DIP2B: variants seen among roughly 807,000 people sequenced by gnomAD.
DIP2B encodes disco-interacting protein 2 homolog B.
A neutral mutation model predicts 198.0 loss-of-function variants in DIP2B; 76 were observed. The ratio of observed to expected loss-of-function variants is 0.38; its 90% confidence interval spans 0.32 to 0.46. The LOEUF is 0.46. Among genes scored for constraint, DIP2B ranks in the 20% least tolerant of loss-of-function variants. The pLI is 0.99. For synonymous variants in DIP2B, 701 were observed against 739.1 expected, an observed-to-expected ratio of 0.95 and a Z score of 0.84; for missense variants, 1,559 against 1,978.4, an observed-to-expected ratio of 0.79 and a Z score of 4.02.
chr12:50,698,380 G>A lies in DIP2B; in HGVS notation c.2101G>A (p.Gly701Arg). The change falls in exon 18 of 38, where the codon GGA (glycine) becomes AGA (arginine). Residue 701 changes from glycine to arginine, a missense_variant. Physicochemically the swap from Gly to Arg is moderately radical, Grantham distance 125 (BLOSUM62 -2). Coordinates refer to ENST00000301180, the MANE Select transcript of DIP2B (RefSeq NM_173602.3). ...AGGAAGAGCCATTCTCTCAATGAAT[G>A]GATTGAGCTATGGGGTAATACGGGT... is the stretch of plus-strand genomic sequence containing the variant. ...LPGRAILSMN[G>R]LSYGVIRVNT... 6.2e-7 allele frequency: 1 copy of A among 1,613,980 alleles called. No individual in the cohort carries two copies. Among genetic ancestry groups the A allele is most frequent in the Non-Finnish European group, 8.5e-7 (1 of 1,179,928 alleles).
chr12:50,574,200 A>G (rs1408732339), intron 1 of DIP2B, among the ~76,000 whole-genome samples: 2 of 152,250 alleles, frequency 1.3e-5, no homozygotes, highest in East Asian at 3.8e-4. Flanking sequence ...TTATCTTATT[A>G]AGATTACAAT....
At chr12:50,706,468 A>G (rs1453611318) in intron 20 of DIP2B, 70 bp from the exon 21 acceptor site, 3 of 1,538,400 alleles carry the variant, frequency 2.0e-6, no homozygotes, top group Admixed American at 1.8e-5. Context: ...ATTTAAAGGC[A>G]GGAAGTTAAA....
intron 13 of DIP2B, 61 bp downstream of exon 13, chr12:50,691,212 C>T: frequency 2.1e-6 from 3 of 1,416,284 alleles, no homozygotes; most frequent in Non-Finnish European, 3.0e-6. Flanking sequence ...ACTGTGAGCA[C>T]AATGCTCAGT....
At chr12:50,696,789 A>T (rs555030225) in intron 16 of DIP2B, among the ~76,000 whole-genome samples, 1 of 152,292 alleles carries the variant, frequency 6.6e-6, no homozygotes, top group Non-Finnish European at 1.5e-5. Context: ...GTTATCTCTG[A>T]TACTGATTTG....
At chr12:50,686,968 C>T (rs951004829) in intron 12 of DIP2B, 4 of 253,584 alleles carry the variant, frequency 1.6e-5, no homozygotes, top group South Asian at 1.0e-4. Flanking sequence ...AAATGATGTA[C>T]TGGCAGAGAA....
chr12:50,651,273 G>C (rs1164862692), intron 3 of DIP2B, among the ~76,000 whole-genome samples: 2 of 152,054 alleles, frequency 1.3e-5, no homozygotes, highest in African/African-American at 4.8e-5. Flanking sequence ...CTCCAATTTT[G>C]CAGGTTATCT....
intron 5 of DIP2B, among the ~76,000 whole-genome samples, chr12:50,673,090 A>G (rs1376820879): frequency 6.6e-6 from 1 of 152,186 alleles, no homozygotes; most frequent in Non-Finnish European, 1.5e-5. Context: ...GTATATTCCT[A>G]TAAGTTTGAA....
chr12:50,525,275 G>T (rs999554551), intron 1 of DIP2B, among the ~76,000 whole-genome samples: 1 of 151,240 alleles, frequency 6.6e-6, no homozygotes, highest in Non-Finnish European at 1.5e-5. Context: ...GGAGAATGGC[G>T]TGAACCCGGG....
intron 37 of DIP2B, among the ~76,000 whole-genome samples, chr12:50,742,192 A>T (rs1003986469): frequency 5.3e-5 from 8 of 151,772 alleles, no homozygotes; most frequent in African/African-American, 1.9e-4. Context: ...AAGCCCAGGA[A>T]TCCAAGACCA....
intron 1 of DIP2B, among the ~76,000 whole-genome samples, chr12:50,527,535 G>A (rs1958177573): frequency 6.6e-6 from 1 of 152,134 alleles, no homozygotes; most frequent in African/African-American, 2.4e-5. Flanking sequence ...CAGCACTTTG[G>A]GAGGCCGAGG....
chr12:50,696,978 G>GT, intron 16 of DIP2B, 83 bp from the exon 17 acceptor site: 1 of 1,020,992 alleles, frequency 9.8e-7, no homozygotes, highest in Non-Finnish European at 1.5e-6. Flanking sequence ...AAATAAGTAT[G>GT]TCAGCTTTCT....
At chr12:50,582,145 G>GTTTTTTTTTTT (rs367699036) in intron 1 of DIP2B, among the ~76,000 whole-genome samples, 3 of 77,544 alleles carry the variant, frequency 3.9e-5, no homozygotes, top group Admixed American at 1.5e-4. Flanking sequence ...CTTTTTTTCT[G>GTTTTTTTTTTT]TTTTTTTTTT....
At chr12:50,530,228 C>T (rs1054627444) in intron 1 of DIP2B, among the ~76,000 whole-genome samples, 1 of 152,178 alleles carries the variant, frequency 6.6e-6, no homozygotes, top group South Asian at 2.1e-4. Flanking sequence ...AGGCACCCGC[C>T]ATCACGCCTG....
chr12:50,681,897 GT>G (rs1183814667), intron 9 of DIP2B, among the ~76,000 whole-genome samples: 1 of 152,182 alleles, frequency 6.6e-6, no homozygotes, highest in Non-Finnish European at 1.5e-5. Context: ...GAAATGGGTT[GT>G]TTAAATGTCT....
At chr12:50,657,617 C>A (rs1938576737) in intron 3 of DIP2B, among the ~76,000 whole-genome samples, 1 of 151,496 alleles carries the variant, frequency 6.6e-6, no homozygotes, top group Non-Finnish European at 1.5e-5. Context: ...TGTAGTGACA[C>A]CCCATCTTTA....
At chr12:50,739,802 C>T (rs919606695) in intron 36 of DIP2B, among the ~76,000 whole-genome samples, 3 of 152,206 alleles carry the variant, frequency 2.0e-5, no homozygotes, top group African/African-American at 7.2e-5. Context: ...AGGAGCATCC[C>T]GAGCTGTGAG....
chr12:50,696,064 CT>C (rs1347379226), intron 16 of DIP2B, 97 bp downstream of exon 16: 1 of 1,534,876 alleles, frequency 6.5e-7, no homozygotes, highest in Non-Finnish European at 8.8e-7. Context: ...TACTGAAAAA[CT>C]CACTCATTTA....
intron 4 of DIP2B, among the ~76,000 whole-genome samples, chr12:50,667,058 A>G (rs185994898): frequency 1.9e-4 from 29 of 152,246 alleles, no homozygotes; most frequent in African/African-American, 6.7e-4. Flanking sequence ...TTGTAGAGAC[A>G]GGTTTTTGTC....
intron 1 of DIP2B, among the ~76,000 whole-genome samples, chr12:50,548,484 T>A (rs756521283): frequency 3.3e-5 from 5 of 152,180 alleles, no homozygotes; most frequent in Non-Finnish European, 7.3e-5. Flanking sequence ...ACAGAATGCA[T>A]GGTATTGGCA....
Sources: allele counts gnomAD v4.1 joint callset (sites outside exome capture counted in the v4.1 genomes callset), GRCh38; gene constraint gnomAD v4.1.1; transcripts MANE v1.5; gene names NCBI Gene and HGNC (gene_info 2026-07-23, HGNC 2026-07-21).